Variants in XKR9 observed in about 807,000 individuals in gnomAD.
XKR9 encodes XK-related protein 9.
XKR9 carries 32 observed loss-of-function variants against 32.0 expected under a neutral mutation model. That is an observed-to-expected ratio of 1.00 (90% CI 0.76 to 1.34). XKR9 has a LOEUF of 1.34. Among genes scored for constraint, XKR9 ranks in the 40% most tolerant of loss-of-function variants. The pLI is 0.00. For synonymous variants in XKR9, 168 were observed against 143.4 expected, an observed-to-expected ratio of 1.17 and a Z score of -1.22; for missense variants, 546 against 429.7, an observed-to-expected ratio of 1.27 and a Z score of -2.39.
chr8:70,781,197 C>A (rs900266297), intron 2 of XKR9, among the ~76,000 whole-genome samples: 3 of 151,984 alleles, frequency 2.0e-5, no homozygotes, highest in Non-Finnish European at 4.4e-5. Flanking sequence ...TTTTCATGTG[C>A]TTATTTGCCA....
chr8:71,014,435 C>T, the XKR9 span, among the ~76,000 whole-genome samples: 1 of 152,132 alleles, frequency 6.6e-6, no homozygotes, highest in African/African-American at 2.4e-5. Context: ...TTGCCTCTTC[C>T]AACTTCTGCT....
At chr8:71,001,892 G>A in the XKR9 span, among the ~76,000 whole-genome samples, 1 of 152,146 alleles carries the variant, frequency 6.6e-6, no homozygotes, top group Non-Finnish European at 1.5e-5. Flanking sequence ...TTCTGCTGTG[G>A]TTCCAAATAT....
chr8:70,974,329 G>T, the XKR9 span, among the ~76,000 whole-genome samples: 1 of 151,684 alleles, frequency 6.6e-6, no homozygotes, highest in Admixed American at 6.6e-5. Context: ...TGCTGTGTTG[G>T]TTTGCTGCAC....
At chr8:70,850,111 T>C in the XKR9 span, among the ~76,000 whole-genome samples, 41 of 152,194 alleles carry the variant, frequency 2.7e-4, no homozygotes, top group Non-Finnish European at 7.4e-5. Context: ...CCTCCCTAAC[T>C]CTTTTCATGA....
At chr8:70,708,010 T>C (rs1459767888) in intron 4 of XKR9, among the ~76,000 whole-genome samples, 1 of 152,068 alleles carries the variant, frequency 6.6e-6, no homozygotes, top group Admixed American at 6.5e-5. Context: ...GTTCTTGCTG[T>C]CCTAGACTCA....
downstream of XKR9, among the ~76,000 whole-genome samples, chr8:70,794,695 A>T (rs1807805963): frequency 6.6e-6 from 1 of 151,968 alleles, no homozygotes. Flanking sequence ...TTCCTGGAAT[A>T]AGTCCTACTT....
chr8:70,783,615 A>G (rs1807645668), intron 2 of XKR9, among the ~76,000 whole-genome samples: 1 of 152,092 alleles, frequency 6.6e-6, no homozygotes, highest in South Asian at 2.1e-4. Context: ...TTAACCAATT[A>G]TTGGATATAT....
the XKR9 span, among the ~76,000 whole-genome samples, chr8:71,014,314 G>T: frequency 6.6e-6 from 1 of 152,044 alleles, no homozygotes; most frequent in Non-Finnish European, 1.5e-5. Flanking sequence ...TCACAAACTG[G>T]GTGGCTTACA....
At chr8:70,813,509 A>G in the XKR9 span, among the ~76,000 whole-genome samples, 1 of 152,196 alleles carries the variant, frequency 6.6e-6, no homozygotes, top group Non-Finnish European at 1.5e-5. Flanking sequence ...CAGGCAACCT[A>G]CAAAATGGGA....
At chr8:70,816,743 A>T in the XKR9 span, among the ~76,000 whole-genome samples, 3 of 56,476 alleles carry the variant, frequency 5.3e-5, no homozygotes, top group Admixed American at 6.2e-4. Flanking sequence ...CATCAACCAA[A>T]CCCGGCAGCA....
At chr8:70,981,007 G>C in the XKR9 span, among the ~76,000 whole-genome samples, 1 of 152,188 alleles carries the variant, frequency 6.6e-6, no homozygotes, top group African/African-American at 2.4e-5. Context: ...TGAGAAATCT[G>C]CTGTTAATCT....
the XKR9 span, among the ~76,000 whole-genome samples, chr8:70,896,657 T>A: frequency 6.6e-6 from 1 of 151,932 alleles, no homozygotes; most frequent in Admixed American, 6.6e-5. Flanking sequence ...GTTTAAAAAA[T>A]TTTATGGATC....
chr8:71,051,528 G>GT, the XKR9 span, among the ~76,000 whole-genome samples: 1,106 of 40,286 alleles, frequency 0.027, 14 homozygotes, highest in East Asian at 0.086. Context: ...GTGGTGGTGG[G>GT]GTGTGTGTGT....
At chr8:71,063,586 T>C in the XKR9 span, among the ~76,000 whole-genome samples, 1 of 151,976 alleles carries the variant, frequency 6.6e-6, no homozygotes, top group Non-Finnish European at 1.5e-5. Context: ...AGAAAAAAAC[T>C]ATTTCTGGCT....
chr8:70,792,122 A>G (rs921770553), downstream of XKR9, among the ~76,000 whole-genome samples: 4 of 152,134 alleles, frequency 2.6e-5, no homozygotes, highest in Non-Finnish European at 5.9e-5. Context: ...GATAAAGGAT[A>G]TCTCTCTAAT....
the XKR9 span, among the ~76,000 whole-genome samples, chr8:70,975,903 C>A: frequency 6.6e-6 from 1 of 152,072 alleles, no homozygotes. Context: ...TTGTTTGTGT[C>A]CTCTTTTATT....
chr8:70,963,283 CAA>C, the XKR9 span, among the ~76,000 whole-genome samples: 3 of 152,146 alleles, frequency 2.0e-5, no homozygotes, highest in Non-Finnish European at 2.9e-5. Flanking sequence ...TCATGTCCTG[CAA>C]AGGACATGAT....
the XKR9 span, among the ~76,000 whole-genome samples, chr8:70,966,621 G>T: frequency 6.6e-6 from 1 of 152,194 alleles, no homozygotes; most frequent in Non-Finnish European, 1.5e-5. Context: ...GATTTTTGTA[G>T]ATATCTATCA....
At chr8:70,828,306 A>T in the XKR9 span, among the ~76,000 whole-genome samples, 3 of 152,210 alleles carry the variant, frequency 2.0e-5, no homozygotes, top group African/African-American at 7.2e-5. Flanking sequence ...TATATGATTT[A>T]AATAGTAGGT....
Sources: allele counts gnomAD v4.1 joint callset (sites outside exome capture counted in the v4.1 genomes callset), GRCh38; gene constraint gnomAD v4.1.1; transcripts MANE v1.5; gene names NCBI Gene and HGNC (gene_info 2026-07-23, HGNC 2026-07-21).